Variants in PTPN3 observed in about 807,000 individuals in gnomAD.
The protein encoded by PTPN3 is tyrosine-protein phosphatase non-receptor type 3.
In PTPN3, 96 loss-of-function variants were observed where a neutral mutation model predicts 132.7. That is an observed-to-expected ratio of 0.72 (90% confidence interval 0.61 to 0.86). PTPN3 has a LOEUF of 0.86. Among genes scored for constraint, PTPN3 ranks in the 40% least tolerant of loss-of-function variants. PTPN3 has a pLI of 0.00. For synonymous variants in PTPN3, 398 were observed against 429.0 expected, an observed-to-expected ratio of 0.93 and a Z score of 0.89; for missense variants, 1,125 against 1,159.6, an observed-to-expected ratio of 0.97 and a Z score of 0.43.
chr9:109,533,493 G>A, the PTPN3 span: 2 of 1,595,438 alleles, frequency 1.3e-6, no homozygotes, highest in Non-Finnish European at 1.7e-6. Flanking sequence ...CGGCGGTACC[G>A]ACGTTGAGGT....
At chr9:109,399,593 C>T (rs1474756292) in intron 19 of PTPN3, among the ~76,000 whole-genome samples, 1 of 151,206 alleles carries the variant, frequency 6.6e-6, no homozygotes, top group Non-Finnish European at 1.5e-5. Flanking sequence ...CTTTCTGGAA[C>T]ACACTTGTGA....
At chr9:109,498,396 G>C (rs1194489389), upstream of PTPN3, 9 of 147,984 alleles carry the variant, frequency 6.1e-5, no homozygotes, top group Non-Finnish European at 1.4e-4. This position sits in a 1 kb window ranked among gnomAD's most constrained non-coding sequence, Gnocchi z 4.2. Context: ...GGGCGTCCGG[G>C]CTGGCCTGCG....
intron 1 of PTPN3, among the ~76,000 whole-genome samples, chr9:109,489,536 C>T (rs925090305): frequency 6.6e-6 from 1 of 152,104 alleles, no homozygotes; most frequent in Non-Finnish European, 1.5e-5. Flanking sequence ...GGCTTAGACC[C>T]GTCAGTCATG....
the PTPN3 span, among the ~76,000 whole-genome samples, chr9:109,528,846 T>C: frequency 6.6e-6 from 1 of 152,170 alleles, no homozygotes; most frequent in Non-Finnish European, 1.5e-5. Context: ...AAGTATTAGT[T>C]GTACATATCT....
At chr9:109,452,581 T>C (rs1297710804) in intron 5 of PTPN3, among the ~76,000 whole-genome samples, 2 of 151,930 alleles carry the variant, frequency 1.3e-5, no homozygotes, top group African/African-American at 4.8e-5. Flanking sequence ...TTTTTTTTTT[T>C]CTGCAACAGG....
At chr9:109,500,653 G>C (rs1162255391), upstream of PTPN3, among the ~76,000 whole-genome samples, 1 of 151,134 alleles carries the variant, frequency 6.6e-6, no homozygotes, top group Non-Finnish European at 1.5e-5. Flanking sequence ...AAAACAGGTC[G>C]GGTGAGGTGG....
intron 2 of PTPN3, among the ~76,000 whole-genome samples, chr9:109,460,022 C>T (rs1023497775): frequency 3.3e-5 from 5 of 152,108 alleles, no homozygotes; most frequent in East Asian, 1.9e-4. Flanking sequence ...CCCCTAACCT[C>T]CTGACTCTTC....
At chr9:109,486,063 C>T (rs1469007007) in intron 1 of PTPN3, among the ~76,000 whole-genome samples, 3 of 152,202 alleles carry the variant, frequency 2.0e-5, no homozygotes, top group African/African-American at 7.2e-5. Context: ...GACAGGTCTG[C>T]AGGACTCTGT....
chr9:109,496,375 A>C (rs1847669268), intron 1 of PTPN3, among the ~76,000 whole-genome samples: 1 of 152,238 alleles, frequency 6.6e-6, no homozygotes, highest in African/African-American at 2.4e-5. Context: ...CCGGAAAGTC[A>C]TCCATATCAA....
intron 5 of PTPN3, chr9:109,449,274 G>T: frequency 1.0e-6 from 1 of 996,956 alleles, no homozygotes; most frequent in Non-Finnish European, 1.2e-6. Context: ...ACTGTGCCAG[G>T]ATCCATCCAC....
intron 16 of PTPN3, among the ~76,000 whole-genome samples, chr9:109,409,682 G>A (rs1841917084): frequency 6.6e-6 from 1 of 152,080 alleles, no homozygotes; most frequent in Non-Finnish European, 1.5e-5. Flanking sequence ...AATTAGCTGG[G>A]TATGGTGGTG....
the PTPN3 span, among the ~76,000 whole-genome samples, chr9:109,509,123 C>A: frequency 6.6e-6 from 1 of 152,106 alleles, no homozygotes; most frequent in African/African-American, 2.4e-5. Context: ...AGCTCTGGGG[C>A]CTATGACCTC....
At chr9:109,411,044 C>T (rs1009796139) in intron 14 of PTPN3, among the ~76,000 whole-genome samples, 13 of 152,160 alleles carry the variant, frequency 8.5e-5, no homozygotes, top group Admixed American at 7.2e-4. Flanking sequence ...TATGTGGCTA[C>T]TTAAATTTAA....
At chr9:109,460,243 C>A (rs1845775269) in intron 2 of PTPN3, among the ~76,000 whole-genome samples, 1 of 152,160 alleles carries the variant, frequency 6.6e-6, no homozygotes, top group Admixed American at 6.5e-5. Flanking sequence ...CATTCCAAAT[C>A]CCATCTATCA....
At chr9:109,404,936 G>A (rs993359329) in intron 18 of PTPN3, among the ~76,000 whole-genome samples, 4 of 152,126 alleles carry the variant, frequency 2.6e-5, no homozygotes, top group African/African-American at 7.2e-5. Context: ...CTTTCTGACC[G>A]GGTTATTCTT....
chr9:109,437,358 C>T (rs533204725), intron 8 of PTPN3, among the ~76,000 whole-genome samples: 9 of 152,282 alleles, frequency 5.9e-5, no homozygotes, highest in African/African-American at 2.2e-4. Flanking sequence ...CCACTGGCCC[C>T]GTACTATTTT....
At chr9:109,480,139 T>C (rs779443926) in intron 1 of PTPN3, among the ~76,000 whole-genome samples, 1 of 152,198 alleles carries the variant, frequency 6.6e-6, no homozygotes, top group Non-Finnish European at 1.5e-5. Context: ...AAATGTCTAT[T>C]CAAGTCTTCT....
At chr9:109,484,490 G>C (rs1353521501) in intron 1 of PTPN3, among the ~76,000 whole-genome samples, 1 of 152,234 alleles carries the variant, frequency 6.6e-6, no homozygotes, top group African/African-American at 2.4e-5. Flanking sequence ...AGCTGAGGAT[G>C]GACATCTGAA....
chr9:109,380,396 T>C (rs765300076), intron 25 of PTPN3, among the ~76,000 whole-genome samples: 2 of 152,148 alleles, frequency 1.3e-5, no homozygotes, highest in Admixed American at 6.5e-5. Context: ...GCTGGGACTA[T>C]AGGCACATGC....
Sources: allele counts gnomAD v4.1 joint callset (sites outside exome capture counted in the v4.1 genomes callset), GRCh38; gene constraint gnomAD v4.1.1; non-coding constraint Gnocchi (gnomAD v3.1); transcripts MANE v1.5; gene names NCBI Gene and HGNC (gene_info 2026-07-23, HGNC 2026-07-21).